Variants in ANKS4B observed in about 807,000 individuals in gnomAD.
The protein encoded by ANKS4B is ankyrin repeat and SAM domain-containing protein 4B.
A neutral mutation model predicts 20.2 loss-of-function variants in ANKS4B; 21 were observed. The observed-to-expected ratio is 1.04, with a 90% CI of 0.74 to 1.50. The LOEUF is 1.50. Among genes scored for constraint, ANKS4B ranks in the 40% most tolerant of loss-of-function variants. ANKS4B has a pLI of 0.00. For missense variants in ANKS4B, 473 were observed against 494.6 expected (o/e 0.96, Z 0.41); for synonymous variants, 179 against 194.5 (o/e 0.92, Z 0.66).
In ANKS4B at chr16:21,250,151, G is replaced by T; in HGVS notation, c.585G>T (p.Gly195=). The change falls in exon 2 of 2, where the codon GGG becomes GGT. Residue 195 remains glycine, a synonymous_variant. Coordinates refer to ENST00000311620, the MANE Select transcript of ANKS4B (RefSeq NM_145865.3). ...PSNASAPGTF[G]SLSKGIKDTF... ...ATGCTTCTGCTCCTGGCACATTCGG[G>T]TCACTATCTAAGGGCATTAAAGACA... The T allele has an allele frequency of 6.2e-7, 1 of 1,614,146 alleles. No individual in the cohort carries two copies. The highest frequency in any genetic ancestry group is 2.2e-5 in the East Asian group (1 of 44,880).
intron 1 of ANKS4B, 44 bp downstream of exon 1, chr16:21,233,945 T>G (rs761211154): frequency 1.3e-6 from 2 of 1,569,376 alleles, no homozygotes; most frequent in Non-Finnish European, 1.7e-6. Flanking sequence ...GTGTTCATGG[T>G]AGGTTTTTGC....
Position 21,250,221 on chromosome 16 carries a change from G to A in ANKS4B, c.655G>A (p.Val219Met). Residue 219 changes from valine (V) to methionine (M), a missense_variant, in exon 2 of 2, where the codon GTG (valine) becomes ATG (methionine). By Grantham distance (21) the Val-to-Met change is conservative. Coordinates refer to ENST00000311620, the MANE Select transcript of ANKS4B (RefSeq NM_145865.3). ...GAAGAACAAAGATACAGCAGAACAG[G>A]TGGGGAAGGAAGGCAGAAGTGGGCA... is the stretch of plus-strand genomic sequence containing the variant. Reference protein sequence around the residue: ...FKKNKDTAEQVGKEGRSGQRN... With the variant: ...FKKNKDTAEQMGKEGRSGQRN... 1.2e-6 allele frequency: 2 copies of A among 1,614,202 alleles called. No homozygotes were observed. Among genetic ancestry groups the A allele is most frequent in the Non-Finnish European group, 8.5e-7 (1 of 1,180,038 alleles).
chr16:21,247,517 T>C (rs1337223584), intron 1 of ANKS4B, among the ~76,000 whole-genome samples: 2 of 152,224 alleles, frequency 1.3e-5, no homozygotes, highest in Non-Finnish European at 1.5e-5. Flanking sequence ...CTCGGGAATG[T>C]TAAGAGGACT....
intron 1 of ANKS4B, among the ~76,000 whole-genome samples, chr16:21,234,669 G>A (rs927709788): frequency 6.6e-6 from 1 of 152,024 alleles, no homozygotes; most frequent in Non-Finnish European, 1.5e-5. Context: ...GGAGCCAAGT[G>A]AATCCAATTG....
At chr16:21,245,547 C>T (rs2093331291) in intron 1 of ANKS4B, among the ~76,000 whole-genome samples, 1 of 152,030 alleles carries the variant, frequency 6.6e-6, no homozygotes, top group Non-Finnish European at 1.5e-5. Context: ...AATCTCGGCT[C>T]ACTGCAATCT....
In ANKS4B at chr16:21,253,713, T is replaced by C. The variant is rs1281923932; in HGVS notation, c.*2893T>C. ...CTAGGGGTCTCATCAGGTACCTCTA[T>C]GCTCTTCTTAGGGGTTCTTTTCTTT... On this transcript the variant is annotated 3_prime_UTR_variant, in exon 2 of 2. Coordinates refer to ENST00000311620, the MANE Select transcript of ANKS4B (RefSeq NM_145865.3). 1 of 152,214 alleles carries C rather than the reference T, an allele frequency of 6.6e-6. No individual in the cohort carries two copies. Among genetic ancestry groups the C allele is most frequent in the African/African-American group, 2.4e-5 (1 of 41,460 alleles). The allele number at this position is 152,214 out of a possible 1,614,324, so 9.4% of individuals were successfully genotyped here. A position where few individuals can be genotyped will look rare whatever the true frequency, so the allele number is the denominator to read the frequency against.
At chr16:21,234,795 A>T (rs1040517471) in intron 1 of ANKS4B, among the ~76,000 whole-genome samples, 5 of 152,054 alleles carry the variant, frequency 3.3e-5, no homozygotes, top group African/African-American at 1.2e-4. Context: ...TCCCTGTCAT[A>T]GTGAGCAGAT....
In ANKS4B at chr16:21,250,516, A is replaced by T. The variant is rs1439570100; in HGVS notation, c.950A>T (p.Asp317Val). The change falls in exon 2 of 2, where the codon GAT (aspartate) becomes GTT (valine). Residue 317 changes from aspartate (D) to valine (V), a missense_variant. Physicochemically the swap from Asp to Val is radical, Grantham distance 152. Transcript: ENST00000311620. Reference sequence around the variant, plus strand: ...TCAGAGGCTGATGAGGGTGCAGCTGATGAAGAGGGAGAGGAAAACGGCCTC... The same window carrying T: ...TCAGAGGCTGATGAGGGTGCAGCTGTTGAAGAGGGAGAGGAAAACGGCCTC... ...GASEADEGAA[D>V]EEGEENGLKD... 1 of 1,614,202 alleles carries T rather than the reference A, an allele frequency of 6.2e-7. No individual in the cohort carries two copies. The highest frequency in any genetic ancestry group is 1.7e-5 in the Admixed American group (1 of 60,030).
chr16:21,242,073 T>C (rs1224694066), intron 1 of ANKS4B, among the ~76,000 whole-genome samples: 4 of 152,330 alleles, frequency 2.6e-5, no homozygotes, highest in East Asian at 1.9e-4. Context: ...ACTATAGTCA[T>C]CATGTGTTAC....
chr16:21,246,816 G>C (rs2093332891), intron 1 of ANKS4B, among the ~76,000 whole-genome samples: 1 of 152,168 alleles, frequency 6.6e-6, no homozygotes, highest in Non-Finnish European at 1.5e-5. Flanking sequence ...TTCTCTAAGA[G>C]GGAGATTGTG....
At chr16:21,245,637 G>T (rs914259978) in intron 1 of ANKS4B, among the ~76,000 whole-genome samples, 3 of 152,012 alleles carry the variant, frequency 2.0e-5, no homozygotes, top group African/African-American at 7.2e-5. Context: ...GCTAATTTTT[G>T]TACTTTTAGT....
chr16:21,236,854 A>C (rs529686556), intron 1 of ANKS4B, among the ~76,000 whole-genome samples: 1 of 152,358 alleles, frequency 6.6e-6, no homozygotes, highest in African/African-American at 2.4e-5. Context: ...TATATACTAT[A>C]GTGCATACAA....
At position 21,251,663 on chromosome 16, in the gene ANKS4B, AACAAATGTGT is replaced by A. The variant is rs2093339650; in HGVS notation, c.*847_*856del. ...CCAACTTAAATGCATCTAACCCTTTAACAAATGTGTACATGTTTACAAGTAATGGAAATGC... is the reference window on the plus strand; with the variant it reads ...CCAACTTAAATGCATCTAACCCTTTAACATGTTTACAAGTAATGGAAATGC... On this transcript the variant is annotated 3_prime_UTR_variant, in exon 2 of 2. Coordinates refer to ENST00000311620, the MANE Select transcript of ANKS4B (RefSeq NM_145865.3). 1 of 152,224 alleles carries A rather than the reference AACAAATGTGT, an allele frequency of 6.6e-6. No individual in the cohort carries two copies. Among genetic ancestry groups the A allele is most frequent in the Admixed American group, 6.5e-5 (1 of 15,268 alleles). The allele number at this position is 152,224 out of a possible 1,614,324, so 9.4% of individuals were successfully genotyped here. A position where few individuals can be genotyped will look rare whatever the true frequency, so the allele number is the denominator to read the frequency against.
intron 1 of ANKS4B, among the ~76,000 whole-genome samples, chr16:21,248,686 G>T (rs1794146468): frequency 6.6e-6 from 1 of 151,984 alleles, no homozygotes; most frequent in Non-Finnish European, 1.5e-5. Context: ...AGCCGAGATT[G>T]CACCACTGCA....
chr16:21,250,974 G>T lies in ANKS4B; in HGVS notation c.*154G>T. ...AGAGAGAGACCCAAACTTTACTCTG[G>T]GAGGTAGGCTATGCCCATCCAAATA... On this transcript the variant is annotated 3_prime_UTR_variant, in exon 2 of 2. Transcript: ENST00000311620. 1 of 1,078,092 alleles carries T rather than the reference G, an allele frequency of 9.3e-7. No homozygotes were observed. The highest frequency in any genetic ancestry group is 1.3e-6 in the Non-Finnish European group (1 of 772,648). The allele number at this position is 1,078,092 out of a possible 1,614,324, so 66.8% of individuals were successfully genotyped here.
At chr16:21,239,614 G>T (rs932746218) in intron 1 of ANKS4B, among the ~76,000 whole-genome samples, 3 of 152,120 alleles carry the variant, frequency 2.0e-5, no homozygotes, top group African/African-American at 7.2e-5. Context: ...ATGCATGTGA[G>T]TGTTCATTGC....
Position 21,249,904 on chromosome 16 carries a change from G to A in ANKS4B, c.338G>A (p.Cys113Tyr), listed in dbSNP as rs764817310. 2 of 1,614,188 alleles carry A rather than the reference G, an allele frequency of 1.2e-6. No homozygotes were observed. Among genetic ancestry groups the A allele is most frequent in the South Asian group, 1.1e-5 (1 of 91,082 alleles). The stretch of plus-strand genomic sequence containing the variant: ...GCTGCCAGCAGGGAGCAGAATGAAT[G>A]TGTTGCTCTCCTGGACAAGGCTGCC... ...DAAASREQNECVALLDKAATA... is the reference protein window; with the variant it reads ...DAAASREQNEYVALLDKAATA... The change falls in exon 2 of 2, where the codon TGT becomes TAT. Residue 113 changes from cysteine to tyrosine, a missense_variant. Transcript: ENST00000311620.
chr16:21,250,308 G>A lies in ANKS4B; in HGVS notation c.742G>A (p.Glu248Lys), dbSNP rs1230539880. 6.2e-7 allele frequency: 1 copy of A among 1,614,202 alleles called. No homozygotes were observed. Among genetic ancestry groups the A allele is most frequent in the Non-Finnish European group, 8.5e-7 (1 of 1,180,030 alleles). ...EEDSFSGDFKEKLQLSAEEDG... is the reference protein window; with the variant it reads ...EEDSFSGDFKKKLQLSAEEDG... ...AGACTCGTTCTCAGGGGACTTCAAA[G>A]AGAAGCTCCAGTTGTCAGCAGAGGA... Residue 248 changes from glutamate to lysine, a missense_variant, in exon 2 of 2, where the codon GAG (glutamate) becomes AAG (lysine). Glu to Lys is a moderately conservative substitution (Grantham distance 56, BLOSUM62 1). Coordinates refer to ENST00000311620, the MANE Select transcript of ANKS4B (RefSeq NM_145865.3).
Position 21,250,977 on chromosome 16 carries a change from G to A in ANKS4B, c.*157G>A. 1 of 1,010,090 alleles carries A rather than the reference G, an allele frequency of 9.9e-7. No homozygotes were observed. Among genetic ancestry groups the A allele is most frequent in the South Asian group, 2.2e-5 (1 of 44,816 alleles). The allele number at this position is 1,010,090 out of a possible 1,614,324, so 62.6% of individuals were successfully genotyped here. On this transcript the variant is annotated 3_prime_UTR_variant, in exon 2 of 2. Transcript: ENST00000311620. ...GAGAGACCCAAACTTTACTCTGGGA[G>A]GTAGGCTATGCCCATCCAAATAAAT...
Sources: allele counts gnomAD v4.1 joint callset (sites outside exome capture counted in the v4.1 genomes callset), GRCh38; gene constraint gnomAD v4.1.1; transcripts MANE v1.5; gene names NCBI Gene and HGNC (gene_info 2026-07-23, HGNC 2026-07-21).